The following OTOGL variants were observed in gnomAD, a reference collection of about 807,000 sequenced individuals.
The protein encoded by OTOGL is otogelin-like protein.
A neutral mutation model predicts 318.5 loss-of-function variants in OTOGL; 285 were observed. The observed-to-expected ratio is 0.89, with a 90% CI of 0.81 to 0.99. The LOEUF is 0.99. Ranked by LOEUF, OTOGL falls within the 50% of genes least tolerant of loss-of-function variation. The pLI is 0.00. For missense variants in OTOGL, 2,899 were observed against 2,845.6 expected (o/e 1.02, Z -0.43); for synonymous variants, 987 against 936.5 (o/e 1.05, Z -0.99).
At chr12:80,259,544 C>G (rs1345433193) in intron 18 of OTOGL, among the ~76,000 whole-genome samples, 3 of 152,014 alleles carry the variant, frequency 2.0e-5, no homozygotes, top group African/African-American at 7.2e-5. Context: ...CCCCACACCC[C>G]CAGACAGGCC....
intron 38 of OTOGL, 32 bp from the exon 39 acceptor site, chr12:80,335,931 G>A: frequency 1.3e-6 from 2 of 1,490,952 alleles, no homozygotes; most frequent in South Asian, 2.7e-5. Context: ...AGCTGAGAAT[G>A]AAAAAACCCA....
intron 1 of OTOGL, among the ~76,000 whole-genome samples, chr12:80,172,606 GT>G (rs59280536): frequency 0.06 from 8,924 of 149,106 alleles, 865 homozygotes; most frequent in African/African-American, 0.21. Context: ...TTTTTTCTAT[GT>G]TTTTTTTTTC....
At chr12:80,109,844 A>G (rs1869718699) in intron 1 of OTOGL, among the ~76,000 whole-genome samples, 2 of 152,210 alleles carry the variant, frequency 1.3e-5, no homozygotes, top group African/African-American at 4.8e-5. Flanking sequence ...AAGAAATTAC[A>G]ACAAAATATA....
intron 11 of OTOGL, among the ~76,000 whole-genome samples, chr12:80,243,760 T>C (rs540491200): frequency 6.7e-6 from 1 of 149,222 alleles, no homozygotes; most frequent in Non-Finnish European, 1.5e-5. Context: ...TATAGAATTA[T>C]ATATATAACA....
chr12:80,315,795 T>G (rs1886931810), intron 32 of OTOGL, among the ~76,000 whole-genome samples: 1 of 152,138 alleles, frequency 6.6e-6, no homozygotes, highest in African/African-American at 2.4e-5. Flanking sequence ...AATTCAACAT[T>G]AAAAAATATC....
At chr12:80,314,492 C>A (rs1886850297) in intron 32 of OTOGL, among the ~76,000 whole-genome samples, 161 bp downstream of exon 32, 1 of 151,958 alleles carries the variant, frequency 6.6e-6, no homozygotes, top group Non-Finnish European at 1.5e-5. Context: ...AAAAATTTCT[C>A]AGTATTTGTG....
At chr12:80,137,133 C>T (rs1871628017) in intron 1 of OTOGL, among the ~76,000 whole-genome samples, 1 of 152,118 alleles carries the variant, frequency 6.6e-6, no homozygotes, top group African/African-American at 2.4e-5. Context: ...ATATAATCAA[C>T]AGGAAATATT....
chr12:80,144,263 A>G (rs1872172135), intron 1 of OTOGL, among the ~76,000 whole-genome samples: 2 of 150,946 alleles, frequency 1.3e-5, no homozygotes, highest in South Asian at 4.2e-4. Context: ...TGTCCATGTG[A>G]TCTCATTGTT....
chr12:80,239,248 C>G, intron 10 of OTOGL, 85 bp from the exon 11 acceptor site: 1 of 1,125,190 alleles, frequency 8.9e-7, no homozygotes, highest in Non-Finnish European at 1.3e-6. Flanking sequence ...AACTGAAAAT[C>G]TTGCAAATAG....
intron 32 of OTOGL, among the ~76,000 whole-genome samples, chr12:80,317,866 T>C (rs563344992): frequency 7.2e-5 from 11 of 152,112 alleles, no homozygotes; most frequent in Non-Finnish European, 1.5e-4. Context: ...CAGCTCCACC[T>C]TGATGTGGGG....
chr12:80,309,400 T>C (rs565757383), intron 29 of OTOGL, among the ~76,000 whole-genome samples: 1 of 152,098 alleles, frequency 6.6e-6, no homozygotes, highest in Admixed American at 6.5e-5. Flanking sequence ...GAAAGTGAAA[T>C]TTATGGGAAA....
At position 80,377,855 on chromosome 12, in the gene OTOGL, T is replaced by C. The variant is rs138352437; in HGVS notation, c.6869T>C (p.Val2290Ala). 56 of 1,605,988 alleles carry C rather than the reference T, an allele frequency of 3.5e-5. No homozygotes were observed. The African/African-American group carries it at 7.1e-4, about 20-fold the overall frequency. The change falls in exon 59 of 59, where the codon GTT becomes GCT. Residue 2290 changes from valine to alanine, a missense_variant. Around this residue, in one of 3 missense-constraint regions of OTOGL, gnomAD observed 289 missense variants for 304.6 expected, o/e 0.95. Transcript: ENST00000547103. ...CATTGTCACTTCTTACAGATAAATGTTGCATCTTGTGACGGCAAATGCCCA... is the reference window on the plus strand; with the variant it reads ...CATTGTCACTTCTTACAGATAAATGCTGCATCTTGTGACGGCAAATGCCCA... ...QDCMSQSPIN[V>A]ASCDGKCPSA... is the part of the protein sequence containing the mutation.
At chr12:80,245,066 T>C (rs1397822245) in intron 11 of OTOGL, among the ~76,000 whole-genome samples, 1 of 137,144 alleles carries the variant, frequency 7.3e-6, no homozygotes, top group South Asian at 2.3e-4. Context: ...TATTAGCCCT[T>C]TGTCAGATGA....
chr12:80,148,637 C>T (rs529078066), intron 1 of OTOGL, among the ~76,000 whole-genome samples: 2 of 152,256 alleles, frequency 1.3e-5, no homozygotes, highest in Admixed American at 1.3e-4. Context: ...TGCATAATAT[C>T]CTGCAGAGTG....
rs1438846253 is a variant in OTOGL at position 80,294,006 on chromosome 12, T to G, written c.2929-2821T>G. ...TTGAAAGGTGCTGACAGTTTCTGTT[T>G]CAGAGTCATTTTGGGGCATATTCTG... On this transcript the variant is annotated intron_variant, in intron 26 of 58. Transcript: ENST00000547103. Among the ~76,000 whole-genome samples the G allele has an allele frequency of 4.6e-5, 7 of 152,164 alleles. No individual in the cohort carries two copies. The East Asian group carries it at 1.3e-3, about 29-fold the overall frequency.
chr12:80,274,172 A>G (rs912683910), intron 24 of OTOGL, among the ~76,000 whole-genome samples: 1 of 152,080 alleles, frequency 6.6e-6, no homozygotes, highest in Non-Finnish European at 1.5e-5. Context: ...AGATTTAGTG[A>G]GGAAGGCATA....
intron 1 of OTOGL, among the ~76,000 whole-genome samples, chr12:80,170,178 G>GGTGTGTGTGTGTGTGTGTGTGTGTGTGT (rs532627744): frequency 2.1e-5 from 3 of 144,064 alleles, no homozygotes; most frequent in Non-Finnish European, 3.0e-5. Flanking sequence ...CTTTGTCAGG[G>GGTGTGTGTGTGTGTGTGTGTGTGTGTGT]GTGTGTGTGT....
intron 19 of OTOGL, among the ~76,000 whole-genome samples, chr12:80,262,512 CCCTA>C (rs1432303233): frequency 6.6e-6 from 1 of 152,022 alleles, no homozygotes; most frequent in Non-Finnish European, 1.5e-5. Flanking sequence ...TGCTCATGAG[CCCTA>C]CTCATAGCAT....
chr12:80,275,294 G>A (rs748213799), intron 24 of OTOGL, among the ~76,000 whole-genome samples: 8 of 151,878 alleles, frequency 5.3e-5, no homozygotes, highest in Admixed American at 2.0e-4. Flanking sequence ...TAACCCTCAC[G>A]GATAACTTTG....
Sources: gnomAD v4.1 joint callset for allele counts (sites outside exome capture counted in the v4.1 genomes callset) on GRCh38, gnomAD v4.1.1 for gene constraint, gnomAD v4.1.1 regional missense constraint, MANE v1.5 for transcripts, NCBI Gene and HGNC (gene_info 2026-07-23, HGNC 2026-07-21) for gene names.